HLA-DPA1: variants seen among roughly 807,000 people sequenced by gnomAD.
The protein encoded by HLA-DPA1 is major histocompatibility complex, class II, DP alpha 1, also known as HLA class II histocompatibility antigen, DP alpha 1 chain.
HLA-DPA1 carries 20 observed loss-of-function variants against 21.5 expected under a neutral mutation model. The observed-to-expected ratio is 0.93, with a 90% CI of 0.66 to 1.35. The LOEUF (loss-of-function observed/expected upper bound fraction) is 1.35, where lower values mean the gene tolerates loss of function less well. Among genes scored for constraint, HLA-DPA1 ranks in the 40% most tolerant of loss-of-function variants. The pLI, the probability that HLA-DPA1 is intolerant of heterozygous loss-of-function variation, is 0.00. For missense variants in HLA-DPA1, 279 were observed against 323.0 expected (o/e 0.86, Z 1.05); for synonymous variants, 123 against 129.6 (o/e 0.95, Z 0.35).
At chr6:33,070,275 C>T (rs73739681) in intron 2 of HLA-DPA1, among the ~76,000 whole-genome samples, 43,396 of 151,944 alleles carry the variant, frequency 0.29, 8,102 homozygotes, top group East Asian at 0.66. Flanking sequence ...TCACAATAAC[C>T]CTATGAAGCA....
At chr6:33,078,339 G>T (rs1397277109) in intron 1 of HLA-DPA1, among the ~76,000 whole-genome samples, 1 of 152,092 alleles carries the variant, frequency 6.6e-6, no homozygotes, top group Non-Finnish European at 1.5e-5. Context: ...ATAGGGGAGT[G>T]GGTAAAGTGG....
intron 1 of HLA-DPA1, among the ~76,000 whole-genome samples, chr6:33,075,073 A>G (rs1285770805): frequency 6.6e-6 from 1 of 152,228 alleles, no homozygotes; most frequent in Non-Finnish European, 1.5e-5. Context: ...TGTTCTTTGA[A>G]AGTTTGTAAA....
intron 5 of HLA-DPA1, chr6:33,068,355 A>G (rs72870111): frequency 0.24 from 74,296 of 309,582 alleles, 12,848 homozygotes; most frequent in East Asian, 0.61. Context: ...AAGTGCTTAA[A>G]GTCTCTGTGT....
chr6:33,078,539 G>A (rs1353800353), intron 1 of HLA-DPA1, among the ~76,000 whole-genome samples: 5 of 152,068 alleles, frequency 3.3e-5, no homozygotes, highest in Admixed American at 1.3e-4. Context: ...AATAAGAGAC[G>A]AATTCATTCA....
upstream of HLA-DPA1, chr6:33,080,741 AC>A (rs1486565569): frequency 2.5e-6 from 4 of 1,613,416 alleles, no homozygotes; most frequent in Non-Finnish European, 3.4e-6. This position sits in a 1 kb window ranked among gnomAD's most constrained non-coding sequence, Gnocchi z 4.3. Context: ...CTGGAGAGAT[AC>A]ATCTACAACC....
chr6:33,080,439 G>T lies in HLA-DPA1; in HGVS notation c.-100+241C>A, dbSNP rs1417660386. On this transcript the variant is annotated intron_variant, in intron 1 of 5. Coordinates refer to ENST00000419277, the Ensembl canonical transcript of HLA-DPA1. The surrounding 1 kb of genome is among the most constrained non-coding windows in gnomAD (Gnocchi z 4.3). ...CGCCCCTCCCTAGTGATCACTCAGT[G>T]CCCCTGAGCTCATTCTTTTCAGTAA... 1 of 708,752 alleles carries T rather than the reference G, an allele frequency of 1.4e-6. No homozygotes were observed. The highest frequency in any genetic ancestry group is 2.0e-5 in the Admixed American group (1 of 49,318). The allele number at this position is 708,752 out of a possible 1,614,324, so 43.9% of individuals were successfully genotyped here. A position where few individuals can be genotyped will look rare whatever the true frequency, so the allele number is the denominator to read the frequency against.
chr6:33,065,819 C>A (rs983127392), intron 5 of HLA-DPA1: 1 of 135,840 alleles, frequency 7.4e-6, no homozygotes, highest in African/African-American at 3.2e-5. Context: ...GACAGCAGTA[C>A]TTCCTCCTTC....
rs73741625 is a variant in HLA-DPA1 at position 33,078,304 on chromosome 6, A to T, written c.-100+2376T>A. ...TGCGTAGAATGAATGTTCAATCAAAACCTGCTGGAGGGAGAGCTGGAGCCA... is the reference window on the plus strand; with the variant it reads ...TGCGTAGAATGAATGTTCAATCAAATCCTGCTGGAGGGAGAGCTGGAGCCA... On this transcript the variant is annotated intron_variant, in intron 1 of 5. Coordinates refer to ENST00000419277, the Ensembl canonical transcript of HLA-DPA1. Among the ~76,000 whole-genome samples, 1,096 of 152,190 alleles carry T rather than the reference A, an allele frequency of 7.2e-3. 12 individuals carry two copies. Among genetic ancestry groups the T allele is most frequent in the African/African-American group, 0.024 (1,012 of 41,522 alleles).
intron 5 of HLA-DPA1, chr6:33,068,367 T>G: frequency 2.9e-6 from 1 of 350,866 alleles, no homozygotes; most frequent in Non-Finnish European, 5.1e-6. Context: ...TCTCTGTGTA[T>G]GTAAAAAGAT....
At chr6:33,074,432 T>C (rs1762437686) in intron 1 of HLA-DPA1, among the ~76,000 whole-genome samples, 1 of 152,192 alleles carries the variant, frequency 6.6e-6, no homozygotes, top group Non-Finnish European at 1.5e-5. Flanking sequence ...GTTTTTCTGT[T>C]ACAGGTAATG....
intron 2 of HLA-DPA1, among the ~76,000 whole-genome samples, chr6:33,071,672 C>T (rs1018219849): frequency 6.6e-6 from 1 of 152,184 alleles, no homozygotes; most frequent in Admixed American, 6.5e-5. Context: ...AGTGACAGGA[C>T]AACAGCAGGT....
intron 1 of HLA-DPA1, chr6:33,073,910 T>G: frequency 4.1e-6 from 1 of 242,960 alleles, no homozygotes; most frequent in Non-Finnish European, 7.9e-6. Flanking sequence ...TTCCATTATG[T>G]TCCTTCTCCC....
intron 1 of HLA-DPA1, among the ~76,000 whole-genome samples, chr6:33,078,036 G>C (rs578075276): frequency 1.3e-5 from 2 of 152,270 alleles, no homozygotes; most frequent in South Asian, 4.1e-4. Flanking sequence ...ACTGAACAGT[G>C]TCAGGAGGAA....
At chr6:33,077,367 C>T (rs1024369254) in intron 1 of HLA-DPA1, among the ~76,000 whole-genome samples, 4 of 151,996 alleles carry the variant, frequency 2.6e-5, no homozygotes, top group Admixed American at 6.5e-5. Context: ...TGAATAGTGC[C>T]GCAATAAACA....
At position 33,076,072 on chromosome 6, in the gene HLA-DPA1, C is replaced by G. The variant is rs777782877; in HGVS notation, c.-99-2403G>C. On this transcript the variant is annotated intron_variant, in intron 1 of 5. Coordinates refer to ENST00000419277, the Ensembl canonical transcript of HLA-DPA1. ...GGTTCTGCAGGTTTCTGCGGCCCCC[C>G]GGACAGTGGCTCTGACGGCGTTACT... is the stretch of plus-strand genomic sequence containing the variant. 33 of 1,612,572 alleles carry G rather than the reference C, an allele frequency of 2.0e-5. 1 individual carries two copies. In the South Asian group the frequency reaches 2.6e-4, roughly 13 times the overall value.
At chr6:33,070,804 A>G (rs1258163918) in intron 2 of HLA-DPA1, among the ~76,000 whole-genome samples, 1 of 152,198 alleles carries the variant, frequency 6.6e-6, no homozygotes, top group Non-Finnish European at 1.5e-5. Flanking sequence ...TTCATCACAC[A>G]GGTACTAAGC....
intron 5 of HLA-DPA1, chr6:33,066,537 A>C (rs1761962283): frequency 6.6e-6 from 1 of 152,234 alleles, no homozygotes; most frequent in Non-Finnish European, 1.5e-5. Context: ...ACTTCTTTTA[A>C]AAAAGACACA....
In HLA-DPA1 at chr6:33,069,934, A is replaced by G. The variant is rs368512755; in HGVS notation, c.101-48T>C. 4.0e-5 allele frequency: 63 copies of G among 1,560,318 alleles called. No individual in the cohort carries two copies. The East Asian group carries it at 6.0e-4, about 15-fold the overall frequency. ...AACACGACAAAATGTCAGTTTGAATATGCAAGTGGTCAAAGCTAGAGAATG... is the reference window on the plus strand; with the variant it reads ...AACACGACAAAATGTCAGTTTGAATGTGCAAGTGGTCAAAGCTAGAGAATG... On this transcript the variant is annotated intron_variant, in intron 2 of 5. Coordinates refer to ENST00000419277, the Ensembl canonical transcript of HLA-DPA1.
intron 1 of HLA-DPA1, chr6:33,073,877 A>C: frequency 3.3e-6 from 1 of 305,608 alleles, no homozygotes; most frequent in Non-Finnish European, 6.0e-6. Context: ...GATAAGTTAC[A>C]CCTTCTTCTG....
Sources: allele counts gnomAD v4.1 joint callset (sites outside exome capture counted in the v4.1 genomes callset), GRCh38; gene constraint gnomAD v4.1.1; non-coding constraint Gnocchi (gnomAD v3.1); transcripts MANE v1.5; gene names NCBI Gene and HGNC (gene_info 2026-07-23, HGNC 2026-07-21).